QKI: variants seen among roughly 807,000 people sequenced by gnomAD.
QKI encodes QKI, KH domain containing RNA binding, also known as KH domain-containing RNA-binding protein QKI.
QKI carries 10 observed loss-of-function variants against 39.0 expected under a neutral mutation model. That is an observed-to-expected ratio of 0.26 (90% CI 0.16 to 0.43). The LOEUF is 0.43. Ranked by LOEUF, QKI falls within the 20% of genes least tolerant of loss-of-function variation. The pLI is 1.00. For synonymous variants in QKI, 204 were observed against 155.4 expected, an observed-to-expected ratio of 1.31 and a Z score of -2.33; for missense variants, 218 against 428.0, an observed-to-expected ratio of 0.51 and a Z score of 4.33.
At chr6:163,566,892 T>G in intron 7 of QKI, 97 bp downstream of exon 7, 1 of 1,504,754 alleles carries the variant, frequency 6.6e-7, no homozygotes, top group Non-Finnish European at 8.9e-7. Flanking sequence ...ATTGCTTACC[T>G]GCACACAGTT....
intron 2 of QKI, among the ~76,000 whole-genome samples, chr6:163,469,305 C>T (rs1792011238): frequency 6.6e-6 from 1 of 152,024 alleles, no homozygotes; most frequent in African/African-American, 2.4e-5. Flanking sequence ...GCTGGTTTCA[C>T]AAAGGGTACG....
At chr6:163,564,602 T>C in intron 6 of QKI, 1 of 1,610,310 alleles carries the variant, frequency 6.2e-7, no homozygotes, top group Non-Finnish European at 8.5e-7. Flanking sequence ...ATATAAACGC[T>C]TGGTTTTACA....
intron 2 of QKI, among the ~76,000 whole-genome samples, chr6:163,463,669 A>C (rs1375552246): frequency 4.6e-5 from 7 of 152,198 alleles, no homozygotes; most frequent in African/African-American, 1.2e-4. Flanking sequence ...AGGAAGATAG[A>C]TTATCACTCT....
At chr6:163,425,334 T>C (rs1475473185) in intron 1 of QKI, among the ~76,000 whole-genome samples, 2 of 152,276 alleles carry the variant, frequency 1.3e-5, no homozygotes, top group South Asian at 2.1e-4. Flanking sequence ...TGGGAATAGA[T>C]AGAGACTACA....
intron 3 of QKI, among the ~76,000 whole-genome samples, chr6:163,526,151 G>A (rs1358037610): frequency 6.6e-6 from 1 of 152,198 alleles, no homozygotes; most frequent in Non-Finnish European, 1.5e-5. Context: ...TAGAATGGGA[G>A]TATTCAGGGA....
Position 163,575,771 on chromosome 6 carries a change from A to C in QKI, c.*5061A>C, listed in dbSNP as rs1210301397. On this transcript the variant is annotated 3_prime_UTR_variant, in exon 8 of 8. Coordinates refer to ENST00000361752, the MANE Select transcript of QKI (RefSeq NM_006775.3). ...ACGATAGGTTTAAATGAAATTGCTC[A>C]CTACCAAATCAAGACTCTTCATATA... is the stretch of plus-strand genomic sequence containing the variant. 1 of 152,152 alleles carries C rather than the reference A, an allele frequency of 6.6e-6. No individual in the cohort carries two copies. 9.4% of individuals were successfully genotyped at this position (152,152 alleles called of 1,614,324 possible).
intron 1 of QKI, among the ~76,000 whole-genome samples, chr6:163,418,188 A>T (rs1440519325): frequency 6.6e-6 from 1 of 151,966 alleles, no homozygotes; most frequent in African/African-American, 2.4e-5. Context: ...TGGTTTGATG[A>T]AGTTAACATC....
intron 4 of QKI, among the ~76,000 whole-genome samples, chr6:163,555,386 T>C (rs1782520580): frequency 6.6e-6 from 1 of 151,928 alleles, no homozygotes; most frequent in Non-Finnish European, 1.5e-5. Flanking sequence ...AAGACCAGTA[T>C]GCGTGAGAGT....
intron 4 of QKI, among the ~76,000 whole-genome samples, chr6:163,544,505 A>T (rs1781746731): frequency 6.6e-6 from 1 of 152,024 alleles, no homozygotes; most frequent in Non-Finnish European, 1.5e-5. Flanking sequence ...GTTCCTGCAA[A>T]TGTCTAAGGT....
At chr6:163,416,834 G>T (rs1184168004) in intron 1 of QKI, among the ~76,000 whole-genome samples, 1 of 152,020 alleles carries the variant, frequency 6.6e-6, no homozygotes, top group Non-Finnish European at 1.5e-5. Context: ...GAAAACCTGA[G>T]CTGTCCCTTT....
At chr6:163,450,216 C>T (rs1790453414) in intron 1 of QKI, among the ~76,000 whole-genome samples, 1 of 152,042 alleles carries the variant, frequency 6.6e-6, no homozygotes, top group Non-Finnish European at 1.5e-5. Context: ...TGCCACCACA[C>T]CTGGCCAATT....
rs1783839623 is a variant in QKI at position 163,573,971 on chromosome 6, C to G, written c.*3261C>G. On this transcript the variant is annotated 3_prime_UTR_variant, in exon 8 of 8. Coordinates refer to ENST00000361752, the MANE Select transcript of QKI (RefSeq NM_006775.3). ...TGTCAGCTGACAGTTTTGCACACTACTGTTAAAATGGCTTTGGTTATTCTG... is the reference window on the plus strand; with the variant it reads ...TGTCAGCTGACAGTTTTGCACACTAGTGTTAAAATGGCTTTGGTTATTCTG... The G allele has an allele frequency of 6.6e-6, 1 of 151,430 alleles. No individual in the cohort carries two copies. Among genetic ancestry groups the G allele is most frequent in the South Asian group, 2.1e-4 (1 of 4,816 alleles). 9.4% of individuals were successfully genotyped at this position (151,430 alleles called of 1,614,324 possible).
In QKI at chr6:163,578,055, C is replaced by T. The variant is rs889288353; in HGVS notation, c.*7345C>T. On this transcript the variant is annotated 3_prime_UTR_variant, in exon 8 of 8. Transcript: ENST00000361752. ...AAATGTTTATTAAAATTAGATTATT[C>T]CAGTTTAATGCTATTTTGTGAACTG... is the stretch of plus-strand genomic sequence containing the variant. The T allele has an allele frequency of 6.6e-6, 1 of 152,094 alleles. No individual in the cohort carries two copies. Among genetic ancestry groups the T allele is most frequent in the Non-Finnish European group, 1.5e-5 (1 of 68,026 alleles). 9.4% of individuals were successfully genotyped at this position (152,094 alleles called of 1,614,324 possible). A position where few individuals can be genotyped will look rare whatever the true frequency, so the allele number is the denominator to read the frequency against.
At chr6:163,427,773 C>T (rs1261014856) in intron 1 of QKI, among the ~76,000 whole-genome samples, 3 of 151,514 alleles carry the variant, frequency 2.0e-5, no homozygotes, top group Non-Finnish European at 2.9e-5. Flanking sequence ...ATCTTAAGCA[C>T]GAAGGGTAGG....
intron 4 of QKI, among the ~76,000 whole-genome samples, chr6:163,552,601 A>G (rs560777829): frequency 6.6e-6 from 1 of 152,118 alleles, no homozygotes; most frequent in South Asian, 2.1e-4. Flanking sequence ...GCAGGGGCAG[A>G]AAAATGTCTG....
intron 3 of QKI, among the ~76,000 whole-genome samples, chr6:163,483,531 A>G (rs952069106): frequency 2.0e-5 from 3 of 152,138 alleles, no homozygotes; most frequent in Admixed American, 6.5e-5. Flanking sequence ...CTGTATCTTC[A>G]CTACAAATAC....
chr6:163,560,128 C>T (rs1202491335), intron 4 of QKI, among the ~76,000 whole-genome samples: 1 of 152,042 alleles, frequency 6.6e-6, no homozygotes, highest in African/African-American at 2.4e-5. Context: ...TAGTAAGTAA[C>T]TTGGGGGTGG....
chr6:163,472,222 G>A (rs1188745186), intron 2 of QKI, among the ~76,000 whole-genome samples: 2 of 152,060 alleles, frequency 1.3e-5, no homozygotes, highest in Non-Finnish European at 2.9e-5. Context: ...AATAAAATAA[G>A]CCATTGAGAA....
intron 1 of QKI, among the ~76,000 whole-genome samples, chr6:163,428,747 C>CTTT (rs11438124): frequency 2.0e-5 from 3 of 147,212 alleles, no homozygotes; most frequent in African/African-American, 7.5e-5. Context: ...TTATATTGAG[C>CTTT]TTTTTTTTTT....
Sources: gnomAD v4.1 joint callset for allele counts (sites outside exome capture counted in the v4.1 genomes callset) on GRCh38, gnomAD v4.1.1 for gene constraint, MANE v1.5 for transcripts, NCBI Gene and HGNC (gene_info 2026-07-23, HGNC 2026-07-21) for gene names.